DNAH3: variants seen among roughly 807,000 people sequenced by gnomAD.
The protein encoded by DNAH3 is dynein axonemal heavy chain 3.
Under a neutral mutation model 432.5 loss-of-function variants are expected in DNAH3, and 332 were observed. The observed-to-expected ratio is 0.77, with a 90% CI of 0.70 to 0.84. The LOEUF (loss-of-function observed/expected upper bound fraction) is 0.84, where lower values mean the gene tolerates loss of function less well. Ranked by LOEUF, DNAH3 falls within the 40% of genes least tolerant of loss-of-function variation. The probability of loss-of-function intolerance (pLI) is 0.00; values close to 1 mark genes in which losing one functional copy is unlikely to be tolerated. For missense variants in DNAH3, 4,861 were observed against 5,114.0 expected (o/e 0.95, Z 1.51); for synonymous variants, 1,956 against 1,900.2 (o/e 1.03, Z -0.76).
At chr16:21,028,229 A>C (rs2088672694) in intron 37 of DNAH3, among the ~76,000 whole-genome samples, 1 of 151,954 alleles carries the variant, frequency 6.6e-6, no homozygotes, top group South Asian at 2.1e-4. Context: ...TTTTTTGTAG[A>C]GACAGGATCT....
In DNAH3 at chr16:20,965,080, C is replaced by T. The variant is rs369073466; in HGVS notation, c.8804G>A (p.Arg2935Gln). 7 of 1,613,934 alleles carry T rather than the reference C, an allele frequency of 4.3e-6. No individual in the cohort carries two copies. In the African/African-American group the frequency reaches 5.3e-5, roughly 12 times the overall value. ...AAAGTCGTCATTCAGGGCCTGGAGC[C>T]GATCTACCACCAGCTTCAGCTCTGC... The change falls in exon 53 of 62, where the codon CGG becomes CAG. Residue 2935 changes from arginine (R) to glutamine (Q), a missense_variant. Arg to Gln is a conservative substitution (Grantham distance 43). Coordinates refer to ENST00000261383, the Ensembl canonical transcript of DNAH3.
At chr16:20,942,459 C>T (rs2083857383) in intron 58 of DNAH3, among the ~76,000 whole-genome samples, 1 of 152,212 alleles carries the variant, frequency 6.6e-6, no homozygotes, top group African/African-American at 2.4e-5. Context: ...TTTCCCTCTT[C>T]CCACTGTGAG....
chr16:20,938,536 C>T (rs1277278625), intron 59 of DNAH3, among the ~76,000 whole-genome samples: 2 of 152,182 alleles, frequency 1.3e-5, no homozygotes, highest in East Asian at 3.9e-4. Context: ...ATTCTTGCAA[C>T]TATGAGCTCT....
At position 20,959,245 on chromosome 16, in the gene DNAH3, C is replaced by T. The variant is rs1325873784; in HGVS notation, c.10760G>A (p.Trp3587Ter). ...ACAAATCTTCTCCAGGGTAGGCATC[C>T]AGCTTGCGGCCAGGTGGCAGTTCTG... The change falls in exon 54 of 62, where the codon TGG (tryptophan) becomes TAG (stop). Residue 3587 changes from tryptophan to a stop codon, truncating the protein, a stop_gained. Coordinates refer to ENST00000261383, the Ensembl canonical transcript of DNAH3. LOFTEE classifies it high-confidence loss of function. 6.2e-7 allele frequency: 1 copy of T among 1,614,172 alleles called. No homozygotes were observed. Among genetic ancestry groups the T allele is most frequent in the Admixed American group, 1.7e-5 (1 of 60,012 alleles).
At chr16:20,946,600 G>A (rs2084054378) in intron 57 of DNAH3, among the ~76,000 whole-genome samples, 1 of 152,120 alleles carries the variant, frequency 6.6e-6, no homozygotes, top group Non-Finnish European at 1.5e-5. Flanking sequence ...GCATGTGACA[G>A]GTTGTGGTGT....
intron 8 of DNAH3, among the ~76,000 whole-genome samples, chr16:21,125,785 A>C (rs1397718101): frequency 6.6e-6 from 1 of 152,202 alleles, no homozygotes; most frequent in East Asian, 1.9e-4. Flanking sequence ...CAAAGAAAGA[A>C]AACATGAAAG....
At chr16:20,978,135 C>G (rs916069627) in intron 50 of DNAH3, among the ~76,000 whole-genome samples, 1 of 152,172 alleles carries the variant, frequency 6.6e-6, no homozygotes, top group Non-Finnish European at 1.5e-5. Context: ...AACTCATGTG[C>G]CAGGCATTTT....
At chr16:21,142,184 G>C (rs112581981) in intron 3 of DNAH3, among the ~76,000 whole-genome samples, 36 of 152,172 alleles carry the variant, frequency 2.4e-4, no homozygotes, top group African/African-American at 7.2e-4. Flanking sequence ...GACCAACATG[G>C]TGAAATCCCC....
intron 29 of DNAH3, 49 bp from the exon 30 acceptor site, chr16:21,050,067 A>G: frequency 7.6e-7 from 1 of 1,317,196 alleles, no homozygotes; most frequent in South Asian, 1.3e-5. Flanking sequence ...AAGACACAGG[A>G]AAGAAACCGG....
chr16:21,150,525 G>C, intron 1 of DNAH3: 1 of 235,078 alleles, frequency 4.3e-6, no homozygotes, highest in East Asian at 1.1e-4. Context: ...TTGGCCCGCT[G>C]AGGAGTTCCC....
chr16:21,041,906 C>T (rs752603246), intron 32 of DNAH3, 121 bp downstream of exon 32: 18 of 1,097,618 alleles, frequency 1.6e-5, no homozygotes, highest in Non-Finnish European at 2.5e-5. Flanking sequence ...CTCCTGACCT[C>T]AGGTGATTTG....
At chr16:21,154,659 G>T (rs866203115) in intron 1 of DNAH3, among the ~76,000 whole-genome samples, 10 of 152,278 alleles carry the variant, frequency 6.6e-5, no homozygotes, top group Middle Eastern at 3.4e-3. Flanking sequence ...ATTTTCACAA[G>T]TTTTATGATT....
At position 21,034,544 on chromosome 16, in the gene DNAH3, C is replaced by T. The variant is rs776578883; in HGVS notation, c.5086-459G>A. On this transcript the variant is annotated intron_variant, in intron 35 of 61. Coordinates refer to ENST00000261383, the Ensembl canonical transcript of DNAH3. ...ATTTTTAAAGAGAAAAAGAAAATGG[C>T]GGTCATTTTAGCAAATTGTGTTTCT... 2.0e-4 allele frequency among the ~76,000 whole-genome samples: 30 copies of T among 152,106 alleles called. 1 individual carries two copies. Among genetic ancestry groups the T allele is most frequent in the Admixed American group, 1.3e-4 (2 of 15,266 alleles).
rs775203165 is a variant in DNAH3 at position 20,952,416 on chromosome 16, A to T, written c.11188+17T>A. 1.3e-6 allele frequency: 2 copies of T among 1,505,806 alleles called. No homozygotes were observed. Among genetic ancestry groups the T allele is most frequent in the Non-Finnish European group, 1.8e-6 (2 of 1,083,306 alleles). 93.3% of individuals were successfully genotyped at this position (1,505,806 alleles called of 1,614,324 possible). Reference sequence around the variant, plus strand: ...GATACTGGAGGTTTACAGTGGAAAAACTCCTCCCGTAAATACCTGTCAGGT... The same window carrying T: ...GATACTGGAGGTTTACAGTGGAAAATCTCCTCCCGTAAATACCTGTCAGGT... On this transcript the variant is annotated intron_variant, in intron 56 of 61. Transcript: ENST00000261383.
chr16:21,016,661 T>C (rs1338137858), intron 41 of DNAH3, among the ~76,000 whole-genome samples: 2 of 152,170 alleles, frequency 1.3e-5, no homozygotes, highest in African/African-American at 4.8e-5. Context: ...CTTCTGAGTA[T>C]ATACACCAGA....
intron 44 of DNAH3, 110 bp from the exon 45 acceptor site, chr16:20,988,175 G>A (rs2086303764): frequency 8.3e-6 from 12 of 1,439,516 alleles, no homozygotes; most frequent in Non-Finnish European, 1.1e-5. Context: ...TCATGTTCCA[G>A]AGCTGTGCTG....
intron 51 of DNAH3, among the ~76,000 whole-genome samples, chr16:20,972,739 A>ATTTTTTTTTTTTTTTTT: frequency 1.0e-5 from 1 of 95,976 alleles, no homozygotes; most frequent in Non-Finnish European, 1.9e-5. Context: ...ATGCCCCGTG[A>ATTTTTTTTTTTTTTTTT]TTTTTTTTTT....
exon 44 of DNAH3, chr16:20,997,283 C>T (rs2086803042): frequency 6.2e-7 from 1 of 1,613,450 alleles, no homozygotes; most frequent in Admixed American, 1.7e-5. Flanking sequence ...CTTCACATAC[C>T]AGTAATGTCA....
chr16:21,032,090 C>T (rs750359586), intron 36 of DNAH3, among the ~76,000 whole-genome samples: 6 of 151,464 alleles, frequency 4.0e-5, no homozygotes, highest in Admixed American at 3.3e-4. Context: ...AGAACTCAAG[C>T]AGGAAGGGAG....
Sources: gnomAD v4.1 joint callset for allele counts (sites outside exome capture counted in the v4.1 genomes callset) on GRCh38, gnomAD v4.1.1 for gene constraint, MANE v1.5 for transcripts, NCBI Gene and HGNC (gene_info 2026-07-23, HGNC 2026-07-21) for gene names.